The following LPAR1 variants were observed in gnomAD, a reference collection of about 807,000 sequenced individuals.
LPAR1 encodes LPA receptor 1.
A neutral mutation model predicts 23.8 loss-of-function variants in LPAR1; 5 were observed. The ratio of observed to expected loss-of-function variants is 0.21; its 90% confidence interval spans 0.11 to 0.44. The LOEUF is 0.44. Among genes scored for constraint, LPAR1 ranks in the 20% least tolerant of loss-of-function variants. The probability of loss-of-function intolerance (pLI) is 0.99; values close to 1 mark genes in which losing one functional copy is unlikely to be tolerated. For missense variants in LPAR1, 311 were observed against 482.8 expected, an observed-to-expected ratio of 0.64 and a Z score of 3.33; for synonymous variants, 160 against 164.7, an observed-to-expected ratio of 0.97 and a Z score of 0.22.
intron 5 of LPAR1, among the ~76,000 whole-genome samples, chr9:110,933,555 T>C (rs574516743): frequency 6.6e-5 from 10 of 152,198 alleles, no homozygotes; most frequent in Admixed American, 6.5e-4. Flanking sequence ...ATGGAACTCG[T>C]AAGCAAGGAG....
intron 5 of LPAR1, among the ~76,000 whole-genome samples, chr9:110,920,058 A>C (rs2093512129): frequency 6.6e-6 from 1 of 152,198 alleles, no homozygotes; most frequent in South Asian, 2.1e-4. Flanking sequence ...TAGCACTGAG[A>C]TCAAAACACA....
chr9:110,909,292 C>T (rs1394423998), intron 5 of LPAR1, among the ~76,000 whole-genome samples: 1 of 152,192 alleles, frequency 6.6e-6, no homozygotes, highest in African/African-American at 2.4e-5. Flanking sequence ...CTAGACCAAA[C>T]CCCGGGTGTT....
intron 5 of LPAR1, among the ~76,000 whole-genome samples, chr9:110,898,570 G>C (rs1271429364): frequency 6.6e-6 from 1 of 152,130 alleles, no homozygotes; most frequent in African/African-American, 2.4e-5. Flanking sequence ...AGGCCCTCAA[G>C]GGTCATCGGG....
At chr9:111,009,268 T>G (rs569403694) in intron 2 of LPAR1, among the ~76,000 whole-genome samples, 35 of 152,108 alleles carry the variant, frequency 2.3e-4, no homozygotes, top group African/African-American at 7.9e-4. Context: ...GCTGATTAAG[T>G]GCAACTGAAG....
At chr9:110,900,708 T>C (rs1320024227) in intron 5 of LPAR1, among the ~76,000 whole-genome samples, 1 of 152,244 alleles carries the variant, frequency 6.6e-6, no homozygotes, top group Non-Finnish European at 1.5e-5. Context: ...TGAGGAAATA[T>C]GATTCATTTC....
chr9:110,892,758 GGGGAGGAAGGGAAGGAAGGAA>G (rs1256422542), intron 5 of LPAR1, among the ~76,000 whole-genome samples: 10 of 140,502 alleles, frequency 7.1e-5, no homozygotes, highest in Admixed American at 1.4e-4. Flanking sequence ...GAGGGAGGAA[GGGGAGGAAGGGAAGGAAGGAA>G]GGAAGGAAGG....
intron 5 of LPAR1, among the ~76,000 whole-genome samples, chr9:110,880,807 C>G (rs148936257): frequency 1.3e-5 from 2 of 152,306 alleles, no homozygotes; most frequent in Non-Finnish European, 2.9e-5. Flanking sequence ...TTTATTCCCT[C>G]AGGTCAGGCA....
chr9:111,005,666 C>A (rs1379044972), intron 2 of LPAR1, among the ~76,000 whole-genome samples: 1 of 151,348 alleles, frequency 6.6e-6, no homozygotes, highest in Non-Finnish European at 1.5e-5. Context: ...CATCCACTAG[C>A]AAGTCTTAAC....
chr9:110,896,897 C>A (rs1354996585), intron 5 of LPAR1, among the ~76,000 whole-genome samples: 1 of 150,756 alleles, frequency 6.6e-6, no homozygotes, highest in African/African-American at 2.4e-5. Flanking sequence ...ATGCCATTCT[C>A]CTGCCTCAGC....
At chr9:110,895,272 C>T (rs554067838) in intron 5 of LPAR1, among the ~76,000 whole-genome samples, 77 of 152,292 alleles carry the variant, frequency 5.1e-4, no homozygotes, top group African/African-American at 1.7e-3. Flanking sequence ...GTGTACTGGA[C>T]GCCCCACTCT....
At chr9:110,917,902 G>A (rs2093320865) in intron 5 of LPAR1, among the ~76,000 whole-genome samples, 1 of 151,530 alleles carries the variant, frequency 6.6e-6, no homozygotes. Flanking sequence ...TTTTTAAGCT[G>A]TCTTAAATAC....
intron 2 of LPAR1, among the ~76,000 whole-genome samples, chr9:111,027,418 T>C (rs1015752043): frequency 1.3e-5 from 2 of 152,092 alleles, no homozygotes; most frequent in Non-Finnish European, 2.9e-5. Context: ...AGAGGATGGT[T>C]TGAGCCCAGG....
In LPAR1 at chr9:110,941,391, A is replaced by G; in HGVS notation, c.793+30T>C. The stretch of plus-strand genomic sequence containing the variant: ...TTTATGTTAGTCACTGAGAATCTAT[A>G]AAGTAAGTTACAGTCAAGACAGAAC... On this transcript the variant is annotated intron_variant, in intron 5 of 5. Transcript: ENST00000683809. This position sits in a 1 kb window ranked among gnomAD's most constrained non-coding sequence, Gnocchi z 6.1. 1 of 1,562,068 alleles carries G rather than the reference A, an allele frequency of 6.4e-7. No individual in the cohort carries two copies. Among genetic ancestry groups the G allele is most frequent in the South Asian group, 1.2e-5 (1 of 83,032 alleles).
intron 5 of LPAR1, among the ~76,000 whole-genome samples, chr9:110,939,488 C>A (rs550366458): frequency 3.9e-4 from 59 of 152,256 alleles, no homozygotes; most frequent in African/African-American, 1.3e-3. Context: ...CAACTGCATT[C>A]GATCTTTGTG....
At chr9:110,921,919 A>G (rs1438961808) in intron 5 of LPAR1, among the ~76,000 whole-genome samples, 2 of 152,214 alleles carry the variant, frequency 1.3e-5, no homozygotes, top group Non-Finnish European at 2.9e-5. Context: ...GAACACATCA[A>G]TTGACCTACA....
At chr9:110,892,831 AGGC>A (rs1564386597) in intron 5 of LPAR1, among the ~76,000 whole-genome samples, 269 of 60,304 alleles carry the variant, frequency 4.5e-3, no homozygotes, top group African/African-American at 0.013. Flanking sequence ...GAAGGAAGGC[AGGC>A]AGGCAGGCAG....
chr9:111,012,149 G>A (rs984526595), intron 2 of LPAR1, among the ~76,000 whole-genome samples: 2 of 152,162 alleles, frequency 1.3e-5, no homozygotes, highest in Non-Finnish European at 2.9e-5. Flanking sequence ...TACTCAGGTA[G>A]CTGAGGTAAG....
chr9:110,997,568 T>C (rs554566787), intron 2 of LPAR1, among the ~76,000 whole-genome samples: 20 of 152,348 alleles, frequency 1.3e-4, no homozygotes, highest in Non-Finnish European at 2.4e-4. Flanking sequence ...TTGGATGGTA[T>C]AGCACCCATG....
chr9:111,028,500 C>A (rs551215144), intron 2 of LPAR1, among the ~76,000 whole-genome samples: 39 of 151,996 alleles, frequency 2.6e-4, no homozygotes, highest in Middle Eastern at 3.4e-3. Flanking sequence ...TTAAAAGAAT[C>A]ATAATGGCTT....
Sources: gnomAD v4.1 joint callset for allele counts (sites outside exome capture counted in the v4.1 genomes callset) on GRCh38, gnomAD v4.1.1 for gene constraint, Gnocchi (gnomAD v3.1) non-coding constraint, MANE v1.5 for transcripts, NCBI Gene and HGNC (gene_info 2026-07-23, HGNC 2026-07-21) for gene names.